The following PPP2R5C variants were observed in gnomAD, a reference collection of about 807,000 sequenced individuals.
The protein encoded by PPP2R5C is serine/threonine-protein phosphatase 2A 56 kDa regulatory subunit gamma isoform.
A neutral mutation model predicts 68.9 loss-of-function variants in PPP2R5C; 7 were observed. The observed-to-expected ratio is 0.10, with a 90% CI of 0.06 to 0.19. The LOEUF (loss-of-function observed/expected upper bound fraction) is 0.19. PPP2R5C is among the 10% of genes least tolerant of loss of function. The pLI is 1.00. For missense variants in PPP2R5C, 348 were observed against 641.3 expected (o/e 0.54, Z 4.94); for synonymous variants, 210 against 222.2 (o/e 0.95, Z 0.49).
At chr14:101,871,735 TC>T (rs1309203682) in intron 2 of PPP2R5C, among the ~76,000 whole-genome samples, 2 of 152,164 alleles carry the variant, frequency 1.3e-5, no homozygotes, top group Non-Finnish European at 2.9e-5. Context: ...TTTTTATGAT[TC>T]CCTTCTATCT....
At position 101,899,852 on chromosome 14, in the gene PPP2R5C, A is replaced by G. The variant is rs1467563374; in HGVS notation, c.853-1867A>G. ...AAAGACACTTGTATGGTAGATTTTTATGTCAGACTTGAAAACTAGCAGCAC... is the reference window on the plus strand; with the variant it reads ...AAAGACACTTGTATGGTAGATTTTTGTGTCAGACTTGAAAACTAGCAGCAC... On this transcript the variant is annotated intron_variant, in intron 8 of 13. Transcript: ENST00000334743. This position sits in a 1 kb window ranked among gnomAD's most constrained non-coding sequence, Gnocchi z 4.2. 6.6e-6 allele frequency among the ~76,000 whole-genome samples: 1 copy of G among 152,178 alleles called. No homozygotes were observed. The highest frequency in any genetic ancestry group is 1.5e-5 in the Non-Finnish European group (1 of 68,020).
chr14:101,850,350 T>C (rs1304996519), intron 1 of PPP2R5C, among the ~76,000 whole-genome samples: 1 of 152,142 alleles, frequency 6.6e-6, no homozygotes, highest in Non-Finnish European at 1.5e-5. Flanking sequence ...AGTTAGAAAA[T>C]TAAGTGTTTT....
Position 101,781,864 on chromosome 14 carries a change from G to A in PPP2R5C, c.94-4154G>A, listed in dbSNP as rs1394773271. Among the ~76,000 whole-genome samples, 13 of 151,932 alleles carry A rather than the reference G, an allele frequency of 8.6e-5. No homozygotes were observed. Among genetic ancestry groups the A allele is most frequent in the Admixed American group, 6.5e-5 (1 of 15,286 alleles). On this transcript the variant is annotated intron_variant, in intron 2 of 14. Coordinates refer to the PPP2R5C transcript ENST00000328724. This position sits in a 1 kb window ranked among gnomAD's most constrained non-coding sequence, Gnocchi z 6.4. ...TCATCCTCCAGCCGTGGCCGTGGCCGTGGCCAGGTGTACCGGAGCGGCACC... is the reference window on the plus strand; with the variant it reads ...TCATCCTCCAGCCGTGGCCGTGGCCATGGCCAGGTGTACCGGAGCGGCACC...
chr14:101,862,870 A>T (rs1319334549), intron 2 of PPP2R5C, among the ~76,000 whole-genome samples: 1 of 142,392 alleles, frequency 7.0e-6, no homozygotes, highest in African/African-American at 2.7e-5. Context: ...CCCAGACTAG[A>T]GTGCGGTGGC....
exon 14 of PPP2R5C, chr14:101,925,335 A>G: frequency 6.3e-7 from 1 of 1,595,868 alleles, no homozygotes; most frequent in Non-Finnish European, 8.5e-7. Flanking sequence ...TAGAAAATAC[A>G]TACTTCCTGT....
intron 2 of PPP2R5C, among the ~76,000 whole-genome samples, chr14:101,865,583 G>C (rs926433078): frequency 7.2e-5 from 11 of 152,168 alleles, no homozygotes; most frequent in Non-Finnish European, 7.3e-5. Flanking sequence ...TGAAACGGTC[G>C]GATCTGTACC....
chr14:101,823,920 A>C (rs1373961941), intron 1 of PPP2R5C: 31 of 1,280,792 alleles, frequency 2.4e-5, no homozygotes, highest in Non-Finnish European at 2.3e-5. Flanking sequence ...AAAACAAGAG[A>C]TGCAGATTCT....
chr14:101,874,953 T>G (rs1330194676), intron 2 of PPP2R5C, among the ~76,000 whole-genome samples: 2 of 152,226 alleles, frequency 1.3e-5, no homozygotes, highest in Non-Finnish European at 2.9e-5. Flanking sequence ...TTGGCCAGGC[T>G]GGTCTTGAGC....
intron 13 of PPP2R5C, 51 bp from the exon 16 acceptor site, chr14:101,925,090 C>T: frequency 6.3e-7 from 1 of 1,599,862 alleles, no homozygotes; most frequent in Non-Finnish European, 8.6e-7. Flanking sequence ...AGTAAGCTTG[C>T]TTTTCAGATA....
chr14:101,832,075 A>G (rs561240039), intron 1 of PPP2R5C, among the ~76,000 whole-genome samples: 17 of 152,352 alleles, frequency 1.1e-4, no homozygotes, highest in African/African-American at 3.8e-4. Context: ...AGTGGTCTGT[A>G]TGTCCTCATA....
chr14:101,826,304 TGTTA>T (rs1298083818), intron 1 of PPP2R5C, among the ~76,000 whole-genome samples: 1 of 152,232 alleles, frequency 6.6e-6, no homozygotes, highest in Non-Finnish European at 1.5e-5. Context: ...TTCCATTTCA[TGTTA>T]GTTTTTATAT....
At chr14:101,842,195 G>A (rs985952357) in intron 1 of PPP2R5C, among the ~76,000 whole-genome samples, 11 of 152,166 alleles carry the variant, frequency 7.2e-5, no homozygotes, top group African/African-American at 2.4e-4. Context: ...CTTCTCCAGT[G>A]GAAAAATGAA....
At position 101,913,066 on chromosome 14, in the gene PPP2R5C, G is replaced by A. The variant is rs936921782; in HGVS notation, c.1326+593G>A. ...GGAGCTGCCGGCAGTTCCAGCTGCC[G>A]GGGCTGCCAGGGTCCGGGAGGGTTT... On this transcript the variant is annotated intron_variant, in intron 12 of 13. Transcript: ENST00000334743. The surrounding 1 kb of genome is among the most constrained non-coding windows in gnomAD (Gnocchi z 4.1). 3.5e-4 allele frequency among the ~76,000 whole-genome samples: 53 copies of A among 152,204 alleles called. No homozygotes were observed. Among genetic ancestry groups the A allele is most frequent in the African/African-American group, 9.9e-4 (41 of 41,448 alleles).
At chr14:101,774,730 G>A (rs956238849) in intron 2 of PPP2R5C, among the ~76,000 whole-genome samples, 9 of 152,318 alleles carry the variant, frequency 5.9e-5, no homozygotes, top group African/African-American at 2.2e-4. Context: ...GAGGTTTGCT[G>A]ATTGTGAGTG....
chr14:101,781,848 AGCCGTG>A lies in PPP2R5C; in HGVS notation c.94-4154_94-4149del, dbSNP rs1178889802. ...TCCCGTCTCGGGGGCTTCATCCTCC[AGCCGTG>A]GCCGTGGCCGTGGCCAGGTGTACCG... On this transcript the variant is annotated intron_variant, in intron 2 of 14. Coordinates refer to the PPP2R5C transcript ENST00000328724. This position sits in a 1 kb window ranked among gnomAD's most constrained non-coding sequence, Gnocchi z 6.4. Among the ~76,000 whole-genome samples, 2 of 151,512 alleles carry A rather than the reference AGCCGTG, an allele frequency of 1.3e-5. No individual in the cohort carries two copies. The highest frequency in any genetic ancestry group is 2.9e-5 in the Non-Finnish European group (2 of 67,806).
At chr14:101,922,129 C>T (rs559421711) in intron 13 of PPP2R5C, 1 of 985,356 alleles carries the variant, frequency 1.0e-6, no homozygotes, top group African/African-American at 1.7e-5. Flanking sequence ...TTAACGTGGA[C>T]ATGAAGTATT....
intron 3 of PPP2R5C, among the ~76,000 whole-genome samples, chr14:101,798,310 A>G (rs2140126118): frequency 6.6e-6 from 1 of 152,352 alleles, no homozygotes; most frequent in East Asian, 1.9e-4. Flanking sequence ...TTGCTTGGAG[A>G]GCCTTAAAAA....
chr14:101,828,332 CA>C (rs2040524823), intron 1 of PPP2R5C, among the ~76,000 whole-genome samples: 1 of 152,112 alleles, frequency 6.6e-6, no homozygotes, highest in African/African-American at 2.4e-5. Flanking sequence ...GCTGATTGCA[CA>C]ACATTGTAAA....
chr14:101,850,170 C>G (rs909673702), intron 1 of PPP2R5C, among the ~76,000 whole-genome samples: 1 of 152,148 alleles, frequency 6.6e-6, no homozygotes, highest in Non-Finnish European at 1.5e-5. Context: ...TGCAAGGGGC[C>G]GTTCTCACTG....
Sources: allele counts gnomAD v4.1 joint callset (sites outside exome capture counted in the v4.1 genomes callset), GRCh38; gene constraint gnomAD v4.1.1; non-coding constraint Gnocchi (gnomAD v3.1); transcripts MANE v1.5; gene names NCBI Gene and HGNC (gene_info 2026-07-23, HGNC 2026-07-21).